Variants in LIPC observed in about 807,000 individuals in gnomAD.
The protein encoded by LIPC is hepatic triacylglycerol lipase.
LIPC carries 44 observed loss-of-function variants against 50.7 expected under a neutral mutation model. The observed-to-expected ratio is 0.87, with a 90% confidence interval of 0.68 to 1.11. The LOEUF is 1.11. Ranked by LOEUF, LIPC falls within the 50% of genes most tolerant of loss-of-function variation. The pLI is 0.00. For missense variants in LIPC, 697 were observed against 648.2 expected (o/e 1.08, Z -0.82); for synonymous variants, 271 against 256.4 (o/e 1.06, Z -0.54).
chr15:58,567,709 A>G (rs982529323), intron 8 of LIPC, among the ~76,000 whole-genome samples: 3 of 150,562 alleles, frequency 2.0e-5, no homozygotes, highest in Non-Finnish European at 4.4e-5. Context: ...ACTTCTACCT[A>G]CTGATATGAG....
At chr15:58,530,001 A>G (rs1892909758) in intron 1 of LIPC, among the ~76,000 whole-genome samples, 1 of 152,264 alleles carries the variant, frequency 6.6e-6, no homozygotes, top group Non-Finnish European at 1.5e-5. Flanking sequence ...GTGGAATTCT[A>G]TCCACTTGGT....
intron 1 of LIPC, among the ~76,000 whole-genome samples, chr15:58,496,187 C>G (rs766633142): frequency 3.9e-5 from 6 of 152,078 alleles, no homozygotes; most frequent in Non-Finnish European, 7.3e-5. Context: ...GGCATCTTTG[C>G]TTGGCACAGC....
chr15:58,566,000 C>T (rs1894353234), intron 8 of LIPC: 1 of 984,484 alleles, frequency 1.0e-6, no homozygotes, highest in African/African-American at 1.8e-5. Context: ...ATTAATTTTA[C>T]TAACGGTGTG....
chr15:58,432,653 C>A (rs1893164701), intron 1 of LIPC, among the ~76,000 whole-genome samples: 1 of 152,214 alleles, frequency 6.6e-6, no homozygotes, highest in Non-Finnish European at 1.5e-5. Context: ...GCTGAAGAAT[C>A]CAACAGCCGT....
chr15:58,548,100 G>A lies in LIPC; in HGVS notation c.809-230G>A, dbSNP rs568445679. Among the ~76,000 whole-genome samples, 14 of 152,150 alleles carry A rather than the reference G, an allele frequency of 9.2e-5. No individual in the cohort carries two copies. In the East Asian group the frequency reaches 2.7e-3, roughly 29 times the overall value. Reference sequence around the variant, plus strand: ...ATAAAGGAGTGCTCTCAGGATCCCGGCAGTGCCCGGGATTTTGCCTGACAC... The same window carrying A: ...ATAAAGGAGTGCTCTCAGGATCCCGACAGTGCCCGGGATTTTGCCTGACAC... On this transcript the variant is annotated intron_variant, in intron 5 of 8. Coordinates refer to ENST00000299022, the MANE Select transcript of LIPC (RefSeq NM_000236.3).
chr15:58,453,803 T>C (rs1043763759), intron 1 of LIPC, among the ~76,000 whole-genome samples: 1 of 151,314 alleles, frequency 6.6e-6, no homozygotes, highest in Non-Finnish European at 1.5e-5. Flanking sequence ...GGTGGGAGAA[T>C]TGCTTGAGCC....
At chr15:58,529,183 A>G (rs956819641) in intron 1 of LIPC, among the ~76,000 whole-genome samples, 1 of 152,204 alleles carries the variant, frequency 6.6e-6, no homozygotes, top group Non-Finnish European at 1.5e-5. Context: ...CAAGAACACA[A>G]TGGGATTAAT....
chr15:58,543,168 C>A (rs1452416298), intron 4 of LIPC, among the ~76,000 whole-genome samples: 4 of 152,162 alleles, frequency 2.6e-5, no homozygotes, highest in African/African-American at 7.2e-5. Context: ...CCAAGATATC[C>A]AGGAAGGTCT....
intron 1 of LIPC, chr15:58,521,706 G>C (rs1386081559): frequency 6.6e-6 from 1 of 152,498 alleles, no homozygotes; most frequent in Non-Finnish European, 1.5e-5. Flanking sequence ...ATGACTCAGT[G>C]GGGGGTGAGC....
At chr15:58,495,920 A>G (rs1347992946) in intron 1 of LIPC, among the ~76,000 whole-genome samples, 3 of 152,220 alleles carry the variant, frequency 2.0e-5, no homozygotes, top group Non-Finnish European at 4.4e-5. Flanking sequence ...GATATATTAT[A>G]GCAGACAAAT....
At chr15:58,471,331 G>GGC (rs1555399325) in intron 1 of LIPC, among the ~76,000 whole-genome samples, 5 of 139,002 alleles carry the variant, frequency 3.6e-5, no homozygotes, top group South Asian at 2.4e-4. Context: ...GTAGAGATGG[G>GGC]GGGGGGTGGT....
chr15:58,470,424 A>G (rs1410982342), intron 1 of LIPC, among the ~76,000 whole-genome samples: 2 of 152,164 alleles, frequency 1.3e-5, no homozygotes, highest in African/African-American at 4.8e-5. Flanking sequence ...GCATTTTTAT[A>G]AAATTTTAAA....
intron 1 of LIPC, among the ~76,000 whole-genome samples, chr15:58,479,573 T>G (rs1234520358): frequency 1.3e-5 from 2 of 152,238 alleles, no homozygotes; most frequent in Non-Finnish European, 2.9e-5. Context: ...TGGGTCCATG[T>G]GATTTCCTTA....
intron 1 of LIPC, among the ~76,000 whole-genome samples, chr15:58,451,988 C>T (rs1234895999): frequency 1.3e-5 from 2 of 152,152 alleles, no homozygotes; most frequent in African/African-American, 2.4e-5. Context: ...CACTGGAGAA[C>T]CAACACAATG....
At chr15:58,451,468 C>G (rs1298000803) in intron 1 of LIPC, among the ~76,000 whole-genome samples, 1 of 152,104 alleles carries the variant, frequency 6.6e-6, no homozygotes, top group African/African-American at 2.4e-5. Flanking sequence ...TTCAGAGTGC[C>G]AGATTCCTCA....
In LIPC at chr15:58,534,239, A is replaced by T. The variant is rs950956609; in HGVS notation, c.89-4094A>T. 2.0e-5 allele frequency among the ~76,000 whole-genome samples: 3 copies of T among 152,186 alleles called. No homozygotes were observed. In the East Asian group the frequency reaches 5.8e-4, roughly 29 times the overall value. On this transcript the variant is annotated intron_variant, in intron 1 of 8. Transcript: ENST00000299022. ...AAAGATGCCCAGTCGAGAGCTGGTG[A>T]TGTGCAAAGCTAAAACTTGTAGGAA...
chr15:58,527,748 T>C (rs766885650), intron 1 of LIPC, among the ~76,000 whole-genome samples: 3 of 152,168 alleles, frequency 2.0e-5, no homozygotes, highest in Non-Finnish European at 4.4e-5. Context: ...CCCTGACACA[T>C]AGTAGGTGCT....
chr15:58,551,587 C>T (rs576640703), intron 6 of LIPC, among the ~76,000 whole-genome samples: 17 of 152,272 alleles, frequency 1.1e-4, no homozygotes, highest in African/African-American at 1.9e-4. Flanking sequence ...TAGGCCACCA[C>T]AGCTACACCA....
intron 1 of LIPC, among the ~76,000 whole-genome samples, chr15:58,505,128 G>A (rs572627697): frequency 6.6e-6 from 1 of 152,348 alleles, no homozygotes; most frequent in East Asian, 1.9e-4. Flanking sequence ...TGACAGCACT[G>A]GGAGAGGCCA....
Sources: gnomAD v4.1 joint callset for allele counts (sites outside exome capture counted in the v4.1 genomes callset) on GRCh38, gnomAD v4.1.1 for gene constraint, MANE v1.5 for transcripts, NCBI Gene and HGNC (gene_info 2026-07-23, HGNC 2026-07-21) for gene names.